STK32B: variants seen among roughly 807,000 people sequenced by gnomAD.
STK32B encodes serine/threonine kinase 32B.
A neutral mutation model predicts 52.6 loss-of-function variants in STK32B; 43 were observed. The observed-to-expected ratio is 0.82, with a 90% CI of 0.64 to 1.05. STK32B has a LOEUF of 1.05. STK32B is among the 50% of genes least tolerant of loss of function. STK32B has a pLI of 0.00. For missense variants in STK32B, 621 were observed against 534.6 expected (o/e 1.16, Z -1.59); for synonymous variants, 238 against 204.3 (o/e 1.17, Z -1.41).
chr4:5,198,171 A>G (rs1014724292), intron 3 of STK32B, among the ~76,000 whole-genome samples: 1 of 152,210 alleles, frequency 6.6e-6, no homozygotes, highest in Admixed American at 6.5e-5. Flanking sequence ...AAAGTTAGCT[A>G]TTATTATGAT....
chr4:5,064,149 A>G (rs1388557511), intron 1 of STK32B, among the ~76,000 whole-genome samples: 1 of 151,036 alleles, frequency 6.6e-6, no homozygotes, highest in Non-Finnish European at 1.5e-5. Flanking sequence ...CTTCATTTTA[A>G]TTTAGTCATA....
intron 4 of STK32B, among the ~76,000 whole-genome samples, chr4:5,376,428 CT>C: frequency 6.6e-6 from 1 of 151,978 alleles, no homozygotes; most frequent in South Asian, 2.1e-4. Flanking sequence ...CCCTGCCCCC[CT>C]CTCTCCCTCT....
intron 8 of STK32B, among the ~76,000 whole-genome samples, chr4:5,457,826 C>T (rs1417988708): frequency 2.7e-5 from 4 of 148,240 alleles, no homozygotes; most frequent in South Asian, 4.5e-4. Context: ...GAGCCAAGAT[C>T]GCACCATTGC....
At chr4:5,155,154 G>T (rs1453689196) in intron 2 of STK32B, among the ~76,000 whole-genome samples, 6 of 152,042 alleles carry the variant, frequency 3.9e-5, no homozygotes, top group Non-Finnish European at 2.9e-5. Flanking sequence ...TGTTTGCAAG[G>T]CTCACTTATA....
chr4:5,220,008 A>C (rs1723422913), intron 3 of STK32B, among the ~76,000 whole-genome samples: 1 of 152,188 alleles, frequency 6.6e-6, no homozygotes, highest in Non-Finnish European at 1.5e-5. Flanking sequence ...ACTTGCTGTA[A>C]TTATAAGGCT....
upstream of STK32B, among the ~76,000 whole-genome samples, chr4:5,046,973 C>A (rs1468021980): frequency 6.6e-6 from 1 of 152,140 alleles, no homozygotes; most frequent in Non-Finnish European, 1.5e-5. Context: ...TTTGACCCAG[C>A]AGTCAAATTA....
At chr4:5,317,418 A>C (rs1163897169) in intron 3 of STK32B, among the ~76,000 whole-genome samples, 2 of 26,048 alleles carry the variant, frequency 7.7e-5, no homozygotes, top group Non-Finnish European at 1.3e-4. Flanking sequence ...TATGTATTAT[A>C]TATAATACAT....
At chr4:5,110,142 T>G (rs998492030) in intron 1 of STK32B, among the ~76,000 whole-genome samples, 1 of 151,818 alleles carries the variant, frequency 6.6e-6, no homozygotes, top group Non-Finnish European at 1.5e-5. Flanking sequence ...GCTCATGAAT[T>G]GGAAGGATCA....
intron 6 of STK32B, among the ~76,000 whole-genome samples, chr4:5,445,454 A>T (rs774074890): frequency 2.6e-5 from 4 of 152,140 alleles, no homozygotes; most frequent in Non-Finnish European, 5.9e-5. Flanking sequence ...ATTTCACAAA[A>T]TGTTCCTGGA....
At chr4:5,346,345 C>T (rs1268486887) in intron 4 of STK32B, among the ~76,000 whole-genome samples, 14 of 152,190 alleles carry the variant, frequency 9.2e-5, no homozygotes, top group Non-Finnish European at 1.9e-4. Flanking sequence ...CAGATTTTCT[C>T]AAACAGTGGC....
chr4:5,468,029 G>A lies in STK32B; in HGVS notation c.1065G>A (p.Leu355=), dbSNP rs1466099189. The part of the protein sequence containing the change: ...CPLNGHLQHC[L]ETVREEFIIF... ...AGAATGGACACCTGCAGCACTGTTT[G>A]GAGACTGTCCGGGAGGAATTCATCA... Residue 355 remains leucine, a synonymous_variant, in exon 11 of 12, where the codon TTG becomes TTA. Coordinates refer to ENST00000282908, the MANE Select transcript of STK32B (RefSeq NM_018401.3). 6.2e-7 allele frequency: 1 copy of A among 1,614,010 alleles called. No homozygotes were observed. The highest frequency in any genetic ancestry group is 8.5e-7 in the Non-Finnish European group (1 of 1,180,010).
chr4:5,232,517 G>T (rs757779054), intron 3 of STK32B, among the ~76,000 whole-genome samples: 11 of 152,164 alleles, frequency 7.2e-5, no homozygotes, highest in Non-Finnish European at 1.2e-4. Context: ...TCCAAGTTAA[G>T]GGACTCCTTG....
rs140689167 is a variant in STK32B at position 5,499,319 on chromosome 4, G to A, written c.*236G>A. On this transcript the variant is annotated 3_prime_UTR_variant, in exon 12 of 12. Transcript: ENST00000282908. ...TCCGTTTTCTGCATCTGCCAAAGGGGTTAAACACTTCTGCCCCACTTCAAA... is the reference window on the plus strand; with the variant it reads ...TCCGTTTTCTGCATCTGCCAAAGGGATTAAACACTTCTGCCCCACTTCAAA... 254 of 438,348 alleles carry A rather than the reference G, an allele frequency of 5.8e-4. 2 individuals are homozygous for A. The East Asian group carries it at 7.0e-3, about 12-fold the overall frequency. 27.2% of individuals were successfully genotyped at this position (438,348 alleles called of 1,614,324 possible).
At chr4:5,243,790 G>T (rs563375860) in intron 3 of STK32B, among the ~76,000 whole-genome samples, 9 of 152,134 alleles carry the variant, frequency 5.9e-5, no homozygotes, top group African/African-American at 1.2e-4. Flanking sequence ...TAGCATGAAG[G>T]GTTGTTGAAT....
At chr4:5,113,066 C>T (rs1714493381) in intron 1 of STK32B, among the ~76,000 whole-genome samples, 2 of 152,228 alleles carry the variant, frequency 1.3e-5, no homozygotes, top group East Asian at 3.9e-4. Context: ...GTGCTGTCAT[C>T]TGGATGTCTG....
Position 5,404,602 on chromosome 4 carries a change from C to T in STK32B, c.472+6358C>T, listed in dbSNP as rs10010832. Among the ~76,000 whole-genome samples the T allele has an allele frequency of 4.1e-3, 628 of 152,088 alleles. 3 individuals are homozygous for T. Among genetic ancestry groups the T allele is most frequent in the African/African-American group, 0.013 (558 of 41,462 alleles). On this transcript the variant is annotated intron_variant, in intron 5 of 11. Coordinates refer to ENST00000282908, the MANE Select transcript of STK32B (RefSeq NM_018401.3). ...ATAGCACATTTCAGTCAAATCCAAC[C>T]TCATCAACATGGATATCCTCTTCCA...
the STK32B span, chr4:5,019,528 C>A: frequency 7.4e-7 from 1 of 1,343,534 alleles, no homozygotes; most frequent in Non-Finnish European, 9.6e-7. Flanking sequence ...GCCTCCACTT[C>A]CTGTGGGGCC....
chr4:5,038,281 A>G, the STK32B span, among the ~76,000 whole-genome samples: 1 of 152,176 alleles, frequency 6.6e-6, no homozygotes, highest in African/African-American at 2.4e-5. Context: ...GACAATGATG[A>G]CCTTGGCCTC....
chr4:5,234,065 T>C (rs374563812), intron 3 of STK32B, among the ~76,000 whole-genome samples: 5 of 152,182 alleles, frequency 3.3e-5, no homozygotes, highest in African/African-American at 1.2e-4. Flanking sequence ...TGACCTCATG[T>C]GATCTGATGA....
Sources: allele counts gnomAD v4.1 joint callset (sites outside exome capture counted in the v4.1 genomes callset), GRCh38; gene constraint gnomAD v4.1.1; transcripts MANE v1.5; gene names NCBI Gene and HGNC (gene_info 2026-07-23, HGNC 2026-07-21).